The following CSMD1 variants were observed in gnomAD, a reference collection of about 807,000 sequenced individuals.
The protein encoded by CSMD1 is CUB and Sushi multiple domains 1, also known as CUB and sushi domain-containing protein 1.
A neutral mutation model predicts 417.5 loss-of-function variants in CSMD1; 213 were observed. The observed-to-expected ratio is 0.51, with a 90% CI of 0.46 to 0.57. The LOEUF is 0.57. Among genes scored for constraint, CSMD1 ranks in the 20% least tolerant of loss-of-function variants. The probability of loss-of-function intolerance (pLI) is 0.00; values close to 1 mark genes in which losing one functional copy is unlikely to be tolerated. For missense variants in CSMD1, 6,923 were observed against 4,529.7 expected, an observed-to-expected ratio of 1.53 and a Z score of -15.17; for synonymous variants, 2,862 against 1,736.8, an observed-to-expected ratio of 1.65 and a Z score of -16.11.
intron 1 of CSMD1, among the ~76,000 whole-genome samples, chr8:4,779,256 T>C (rs1401194076): frequency 6.6e-6 from 1 of 151,704 alleles, no homozygotes; most frequent in East Asian, 2.0e-4. Flanking sequence ...AAATTGACAT[T>C]ACTTCTGAAT....
At chr8:3,055,694 G>C (rs1812167931) in intron 49 of CSMD1, among the ~76,000 whole-genome samples, 1 of 152,176 alleles carries the variant, frequency 6.6e-6, no homozygotes, top group African/African-American at 2.4e-5. Context: ...AAATTCCTCA[G>C]TTGTTTTTTC....
At chr8:3,364,532 T>C (rs548013111) in intron 20 of CSMD1, among the ~76,000 whole-genome samples, 1 of 152,226 alleles carries the variant, frequency 6.6e-6, no homozygotes, top group East Asian at 1.9e-4. Context: ...GTAGTTACAT[T>C]CTGACTTTTA....
intron 3 of CSMD1, among the ~76,000 whole-genome samples, chr8:4,365,745 T>G (rs1395737433): frequency 6.6e-6 from 1 of 152,198 alleles, no homozygotes; most frequent in East Asian, 1.9e-4. Context: ...CAGATTTGAA[T>G]AGCTGACTCC....
At chr8:4,567,199 G>C (rs867932521) in intron 2 of CSMD1, among the ~76,000 whole-genome samples, 3 of 152,160 alleles carry the variant, frequency 2.0e-5, no homozygotes, top group African/African-American at 7.2e-5. Flanking sequence ...TTTGGTTTAT[G>C]TCACAGAGCA....
intron 2 of CSMD1, among the ~76,000 whole-genome samples, chr8:4,587,153 C>A (rs1265123599): frequency 6.6e-6 from 1 of 152,050 alleles, no homozygotes; most frequent in East Asian, 1.9e-4. Context: ...ATTTTTCTGC[C>A]CATCGTGAGC....
intron 5 of CSMD1, among the ~76,000 whole-genome samples, chr8:3,950,400 T>C (rs1811524365): frequency 6.6e-6 from 1 of 152,218 alleles, no homozygotes. Context: ...CCAATCGGCC[T>C]ACGGGTCAAT....
intron 2 of CSMD1, among the ~76,000 whole-genome samples, chr8:4,600,020 T>G (rs1472888591): frequency 6.6e-6 from 1 of 152,132 alleles, no homozygotes; most frequent in East Asian, 1.9e-4. Flanking sequence ...CTAGGGTTGG[T>G]TACCGCAGAA....
intron 54 of CSMD1, among the ~76,000 whole-genome samples, chr8:2,988,475 C>A (rs1056560348): frequency 6.6e-6 from 1 of 152,186 alleles, no homozygotes; most frequent in African/African-American, 2.4e-5. Flanking sequence ...TGGTCCCTCA[C>A]TGAACTGGCT....
intron 3 of CSMD1, among the ~76,000 whole-genome samples, chr8:4,413,913 G>C (rs1027010673): frequency 3.9e-5 from 6 of 152,196 alleles, no homozygotes; most frequent in African/African-American, 1.2e-4. Flanking sequence ...AATTAGCCCA[G>C]AGGAAAGTAA....
intron 68 of CSMD1, among the ~76,000 whole-genome samples, chr8:2,943,310 C>T (rs752204318): frequency 5.8e-4 from 88 of 151,930 alleles, no homozygotes; most frequent in Non-Finnish European, 2.9e-4. Context: ...TCATTGCAAC[C>T]TCTGTCTCCC....
At chr8:3,513,689 G>C (rs1212960832) in intron 10 of CSMD1, among the ~76,000 whole-genome samples, 12 of 152,148 alleles carry the variant, frequency 7.9e-5, no homozygotes, top group African/African-American at 2.4e-4. Context: ...ACAAAATATA[G>C]ACACTTGGAT....
intron 11 of CSMD1, 32 bp downstream of exon 11, chr8:3,493,591 T>C: frequency 6.4e-7 from 1 of 1,559,644 alleles, no homozygotes. Flanking sequence ...ACTGCATGCA[T>C]AAGAGAAGAA....
chr8:4,022,892 T>C (rs1796860684), intron 4 of CSMD1, among the ~76,000 whole-genome samples: 1 of 152,140 alleles, frequency 6.6e-6, no homozygotes, highest in Non-Finnish European at 1.5e-5. Context: ...AGAAAATACA[T>C]GGATTATTGT....
chr8:4,550,055 C>A (rs1039639338), intron 2 of CSMD1, among the ~76,000 whole-genome samples: 2 of 151,966 alleles, frequency 1.3e-5, no homozygotes, highest in East Asian at 3.9e-4. Context: ...TTTTGTCATC[C>A]TCAGAATTGG....
At chr8:4,426,330 G>C (rs1309965642) in intron 2 of CSMD1, among the ~76,000 whole-genome samples, 1 of 150,654 alleles carries the variant, frequency 6.6e-6, no homozygotes, top group Admixed American at 6.6e-5. Context: ...TTTTAATTAT[G>C]TAGTATATAG....
At chr8:3,081,151 G>A (rs1055910245) in intron 49 of CSMD1, among the ~76,000 whole-genome samples, 4 of 152,150 alleles carry the variant, frequency 2.6e-5, no homozygotes, top group Admixed American at 2.0e-4. Context: ...TAGCTGGAGG[G>A]CCTAAAAGAG....
At chr8:3,635,745 A>G (rs1448863553) in intron 7 of CSMD1, among the ~76,000 whole-genome samples, 1 of 144,180 alleles carries the variant, frequency 6.9e-6, no homozygotes, top group Non-Finnish European at 1.5e-5. Flanking sequence ...GGCCTCCCGA[A>G]GTGCTGGGAT....
At chr8:3,289,515 A>G (rs1039176666) in intron 25 of CSMD1, among the ~76,000 whole-genome samples, 1 of 144,494 alleles carries the variant, frequency 6.9e-6, no homozygotes, top group Non-Finnish European at 1.5e-5. Flanking sequence ...AATGATCGCC[A>G]TTCTAACTGG....
intron 1 of CSMD1, among the ~76,000 whole-genome samples, chr8:4,820,574 AGAAATGCGTGAAAACAAAC>A (rs1799465478): frequency 6.6e-6 from 1 of 152,208 alleles, no homozygotes; most frequent in African/African-American, 2.4e-5. Flanking sequence ...AAGTGAGCAA[AGAAATGCGTGAAAACAAAC>A]GGGATAGCTT....
Sources: gnomAD v4.1 joint callset for allele counts (sites outside exome capture counted in the v4.1 genomes callset) on GRCh38, gnomAD v4.1.1 for gene constraint, MANE v1.5 for transcripts, NCBI Gene and HGNC (gene_info 2026-07-23, HGNC 2026-07-21) for gene names.